MTSS1: variants seen among roughly 807,000 people sequenced by gnomAD.
MTSS1 encodes the protein MTSS I-BAR domain containing 1.
In MTSS1, 18 loss-of-function variants were observed where a neutral mutation model predicts 79.0. The observed-to-expected ratio is 0.23, with a 90% CI of 0.16 to 0.34. The LOEUF (loss-of-function observed/expected upper bound fraction) is 0.34. Among genes scored for constraint, MTSS1 ranks in the 10% least tolerant of loss-of-function variants. The pLI is 1.00. For missense variants in MTSS1, 815 were observed against 986.2 expected (o/e 0.83, Z 2.33); for synonymous variants, 341 against 368.6 (o/e 0.93, Z 0.86).
intron 6 of MTSS1, among the ~76,000 whole-genome samples, chr8:124,583,906 C>G (rs1830443746): frequency 6.6e-6 from 1 of 152,162 alleles, no homozygotes; most frequent in Non-Finnish European, 1.5e-5. Context: ...AACACTAGCT[C>G]CCAGGTGCCC....
At chr8:124,665,616 C>G (rs541655954) in intron 3 of MTSS1, among the ~76,000 whole-genome samples, 6 of 151,882 alleles carry the variant, frequency 4.0e-5, no homozygotes, top group Non-Finnish European at 8.8e-5. Context: ...GCCTGTAATC[C>G]CAGCACTTTG....
chr8:124,651,681 G>T (rs1820004665), intron 3 of MTSS1, among the ~76,000 whole-genome samples: 1 of 152,176 alleles, frequency 6.6e-6, no homozygotes. Context: ...CAGTCAGACA[G>T]TACCAGCCAT....
At chr8:124,701,263 A>C (rs1279508564) in intron 2 of MTSS1, among the ~76,000 whole-genome samples, 4 of 152,194 alleles carry the variant, frequency 2.6e-5, no homozygotes, top group Admixed American at 2.0e-4. Context: ...GAAAAAAGAA[A>C]GAAAAAGGGA....
intron 3 of MTSS1, among the ~76,000 whole-genome samples, chr8:124,675,334 C>T (rs901609301): frequency 1.2e-4 from 19 of 152,184 alleles, no homozygotes; most frequent in Non-Finnish European, 2.8e-4. Flanking sequence ...GTTCCATTGC[C>T]CTTGAGCTCT....
At chr8:124,659,080 T>C (rs1821517046) in intron 3 of MTSS1, among the ~76,000 whole-genome samples, 1 of 152,224 alleles carries the variant, frequency 6.6e-6, no homozygotes, top group Non-Finnish European at 1.5e-5. Flanking sequence ...CTCTTAATAT[T>C]AACCTGCCAA....
chr8:124,615,321 G>A (rs748209474), intron 3 of MTSS1, among the ~76,000 whole-genome samples: 30 of 152,204 alleles, frequency 2.0e-4, no homozygotes, highest in Non-Finnish European at 4.0e-4. Flanking sequence ...CCACGAGGTG[G>A]AAGCAACCCA....
intron 3 of MTSS1, among the ~76,000 whole-genome samples, chr8:124,639,558 T>C (rs1279279147): frequency 3.3e-5 from 5 of 152,022 alleles, no homozygotes; most frequent in Admixed American, 2.6e-4. Context: ...CTCACTCCCG[T>C]ATTCAAGTGA....
intron 3 of MTSS1, among the ~76,000 whole-genome samples, chr8:124,604,931 ACT>A (rs1236902481): frequency 3.9e-5 from 6 of 152,268 alleles, no homozygotes; most frequent in Non-Finnish European, 7.3e-5. Context: ...CATGCACCGT[ACT>A]GGCAGCCACA....
At chr8:124,687,543 TGAGA>T (rs1384583402) in intron 3 of MTSS1, among the ~76,000 whole-genome samples, 3 of 152,186 alleles carry the variant, frequency 2.0e-5, no homozygotes, top group African/African-American at 2.4e-5. Context: ...GAGTGGGTTC[TGAGA>T]GAGACAGGGG....
chr8:124,553,650 G>C lies in MTSS1; in HGVS notation c.1610C>G (p.Ala537Gly). The stretch of plus-strand genomic sequence containing the variant: ...GGACTTGTCGAACTCCTGCTGATCT[G>C]CCTCCTGGTCACCACTTACAGAGAA... ...DYFSVSGDQEADQQEFDKSST... is the reference protein window; with the variant it reads ...DYFSVSGDQEGDQQEFDKSST... The change falls in exon 14 of 14, where the codon GCA (alanine) becomes GGA (glycine). Residue 537 changes from alanine (A) to glycine (G), a missense_variant. By Grantham distance (60) the Ala-to-Gly change is moderately conservative (BLOSUM62 0). Around this residue, in one of 2 missense-constraint regions of MTSS1, gnomAD observed 590 missense variants for 620.8 expected, o/e 0.95. Transcript: ENST00000518547. The surrounding 1 kb of genome is among the most constrained non-coding windows in gnomAD (Gnocchi z 6.0). 6.2e-7 allele frequency: 1 copy of C among 1,613,906 alleles called. No homozygotes were observed. Among genetic ancestry groups the C allele is most frequent in the African/African-American group, 1.3e-5 (1 of 75,038 alleles).
At chr8:124,598,287 T>C (rs558277147) in intron 3 of MTSS1, among the ~76,000 whole-genome samples, 7 of 152,072 alleles carry the variant, frequency 4.6e-5, no homozygotes, top group Non-Finnish European at 8.8e-5. Flanking sequence ...TGAGACCCTG[T>C]CTCAAAAGAA....
chr8:124,589,130 A>C (rs1247284804), intron 5 of MTSS1, among the ~76,000 whole-genome samples: 1 of 151,878 alleles, frequency 6.6e-6, no homozygotes, highest in African/African-American at 2.4e-5. Flanking sequence ...TCCCGGGTTC[A>C]AGCGATTTTT....
At chr8:124,634,866 G>A (rs1029251958) in intron 3 of MTSS1, among the ~76,000 whole-genome samples, 1 of 152,184 alleles carries the variant, frequency 6.6e-6, no homozygotes, top group Non-Finnish European at 1.5e-5. Context: ...CATTTGACAG[G>A]ATCCCAAGCA....
chr8:124,574,947 T>C (rs773359888), intron 6 of MTSS1, among the ~76,000 whole-genome samples: 18 of 152,168 alleles, frequency 1.2e-4, no homozygotes, highest in South Asian at 2.1e-4. Flanking sequence ...TTACAATCAA[T>C]GGTGTGTCAC....
intron 3 of MTSS1, among the ~76,000 whole-genome samples, chr8:124,639,066 G>A (rs1817546606): frequency 6.6e-6 from 1 of 152,208 alleles, no homozygotes; most frequent in Admixed American, 6.5e-5. Context: ...GGCCCAGGTG[G>A]TGGCTCATGC....
chr8:124,622,927 T>A (rs796706389), intron 3 of MTSS1, among the ~76,000 whole-genome samples: 8 of 151,876 alleles, frequency 5.3e-5, no homozygotes, highest in African/African-American at 1.9e-4. Flanking sequence ...CAAAAGACAA[T>A]CTTCCCTGAC....
At chr8:124,652,809 A>AC (rs1280135792) in intron 3 of MTSS1, among the ~76,000 whole-genome samples, 2 of 151,976 alleles carry the variant, frequency 1.3e-5, no homozygotes, top group African/African-American at 2.4e-5. Flanking sequence ...AAAAAAAAAA[A>AC]AAAACACAGC....
Position 124,587,288 on chromosome 8 carries a change from G to C in MTSS1, c.386-2127C>G, listed in dbSNP as rs1286014538. 2.0e-5 allele frequency among the ~76,000 whole-genome samples: 3 copies of C among 152,154 alleles called. No homozygotes were observed. In the East Asian group the frequency reaches 5.8e-4, roughly 29 times the overall value. On this transcript the variant is annotated intron_variant, in intron 5 of 13. Transcript: ENST00000518547. ...AGTCAGCCAACACAAAGTGAATTGGGCCAAACATAAACTATCAACTCTTTC... is the reference window on the plus strand; with the variant it reads ...AGTCAGCCAACACAAAGTGAATTGGCCCAAACATAAACTATCAACTCTTTC...
intron 2 of MTSS1, among the ~76,000 whole-genome samples, 176 bp from the exon 3 acceptor site, chr8:124,699,775 C>T (rs1829437102): frequency 2.0e-5 from 3 of 152,176 alleles, no homozygotes; most frequent in Admixed American, 2.0e-4. Context: ...GTACTCCACC[C>T]GAATAATATC....
Sources: allele counts gnomAD v4.1 joint callset (sites outside exome capture counted in the v4.1 genomes callset), GRCh38; gene constraint gnomAD v4.1.1; regional missense constraint gnomAD v4.1.1; non-coding constraint Gnocchi (gnomAD v3.1); transcripts MANE v1.5; gene names NCBI Gene and HGNC (gene_info 2026-07-23, HGNC 2026-07-21).